The following TST variants were observed in gnomAD, a reference collection of about 807,000 sequenced individuals.
TST encodes thiosulfate sulfurtransferase.
Under a neutral mutation model 20.4 loss-of-function variants are expected in TST, and 22 were observed. The ratio of observed to expected loss-of-function variants is 1.08; its 90% CI spans 0.77 to 1.54. The LOEUF (loss-of-function observed/expected upper bound fraction) is 1.54. Ranked by LOEUF, TST falls within the 40% of genes most tolerant of loss-of-function variation. The pLI, the probability that TST is intolerant of heterozygous loss-of-function variation, is 0.00. For synonymous variants in TST, 187 were observed against 173.8 expected, an observed-to-expected ratio of 1.08 and a Z score of -0.60; for missense variants, 392 against 405.2, an observed-to-expected ratio of 0.97 and a Z score of 0.28.
At chr22:37,012,622 C>T (rs1236253229) in intron 2 of TST, among the ~76,000 whole-genome samples, 1 of 152,194 alleles carries the variant, frequency 6.6e-6, no homozygotes, top group Admixed American at 6.5e-5. Flanking sequence ...TGGGACAGGG[C>T]AGGAGCAGGG....
Position 37,018,747 on chromosome 22 carries a change from G to C in TST, c.-15C>G. Reference sequence around the variant, plus strand: ...TGATGAACCATGGCTTCAGCTCTGCGTGTCACCTGGCACGGGTGGGAACCA... The same window carrying C: ...TGATGAACCATGGCTTCAGCTCTGCCTGTCACCTGGCACGGGTGGGAACCA... On this transcript the variant is annotated 5_prime_UTR_variant, in exon 2 of 3. Transcript: ENST00000249042. 6.8e-7 allele frequency: 1 copy of C among 1,467,308 alleles called. No homozygotes were observed. Among genetic ancestry groups the C allele is most frequent in the Non-Finnish European group, 9.0e-7 (1 of 1,114,798 alleles). 90.9% of individuals were successfully genotyped at this position (1,467,308 alleles called of 1,614,324 possible).
intron 2 of TST, among the ~76,000 whole-genome samples, chr22:37,012,802 T>C (rs1049872616): frequency 1.1e-4 from 16 of 151,990 alleles, no homozygotes; most frequent in Non-Finnish European, 2.4e-4. Context: ...TCCCAGCACT[T>C]TGGGAGGCTG....
At chr22:37,011,546 G>A (rs964242781) in intron 2 of TST, among the ~76,000 whole-genome samples, 2 of 152,194 alleles carry the variant, frequency 1.3e-5, no homozygotes, top group African/African-American at 4.8e-5. Flanking sequence ...TCTTGAAGTA[G>A]AGATGCCCAA....
At chr22:37,012,576 G>A (rs1164731373) in intron 2 of TST, among the ~76,000 whole-genome samples, 2 of 152,190 alleles carry the variant, frequency 1.3e-5, no homozygotes, top group Non-Finnish European at 2.9e-5. Flanking sequence ...AGCCCTCCTT[G>A]CTCCCCAAAT....
intron 2 of TST, among the ~76,000 whole-genome samples, chr22:37,015,016 G>A (rs1922624718): frequency 6.6e-6 from 1 of 152,112 alleles, no homozygotes; most frequent in Non-Finnish European, 1.5e-5. Context: ...CAGCCCGGGA[G>A]CCACACCATG....
chr22:37,018,300 G>C lies in TST; in HGVS notation c.433C>G (p.Pro145Ala), dbSNP rs1283839835. Reference sequence around the variant, plus strand: ...AAGACGGCCGGTTCTGGGCGTGAGGGCTCGGATGTCACCGGGTGGCCCTCC... The same window carrying C: ...AAGACGGCCGGTTCTGGGCGTGAGGCCTCGGATGTCACCGGGTGGCCCTCC... ...LKEGHPVTSE[P>A]SRPEPAVFKA... Residue 145 changes from proline to alanine, a missense_variant, in exon 2 of 3, where the codon CCC becomes GCC. Transcript: ENST00000249042. The C allele has an allele frequency of 6.2e-7, 1 of 1,614,050 alleles. No homozygotes were observed. Among genetic ancestry groups the C allele is most frequent in the Admixed American group, 1.7e-5 (1 of 60,018 alleles).
intron 2 of TST, among the ~76,000 whole-genome samples, chr22:37,017,792 C>T (rs1468922365): frequency 6.6e-6 from 1 of 152,146 alleles, no homozygotes; most frequent in Non-Finnish European, 1.5e-5. Flanking sequence ...AATGCAAACG[C>T]TGGCTCAGGG....
At chr22:37,017,583 T>C (rs982678256) in intron 2 of TST, among the ~76,000 whole-genome samples, 4 of 151,846 alleles carry the variant, frequency 2.6e-5, no homozygotes, top group African/African-American at 9.7e-5. Flanking sequence ...GCAGCTGCTG[T>C]TACAACTCTG....
At chr22:37,019,670 G>A, upstream of TST, 1 of 353,752 alleles carries the variant, frequency 2.8e-6, no homozygotes, top group Non-Finnish European at 5.0e-6. Context: ...TGGGCGGAGC[G>A]GGCGTACCCC....
At chr22:37,015,260 TA>T (rs1254481147) in intron 2 of TST, among the ~76,000 whole-genome samples, 1 of 152,148 alleles carries the variant, frequency 6.6e-6, no homozygotes, top group East Asian at 1.9e-4. Context: ...AGAGACTATA[TA>T]AAAAGCGTTC....
At position 37,018,160 on chromosome 22, in the gene TST, G is replaced by A. The variant is rs990243736; in HGVS notation, c.573C>T (p.Thr191=). The change falls in exon 2 of 3, where the codon ACC becomes ACT. Residue 191 remains threonine (T), a synonymous_variant. Transcript: ENST00000249042. ...TACCTACTGCATCCGGCTCCGGCTC[G>A]GTGCCCAGGAACCGCCCTTGAGACC... is the stretch of plus-strand genomic sequence containing the variant. ...DSRSQGRFLG[T]EPEPDAVGLD... 4 of 1,563,158 alleles carry A rather than the reference G, an allele frequency of 2.6e-6. No homozygotes were observed. The highest frequency in any genetic ancestry group is 8.7e-7 in the Non-Finnish European group (1 of 1,152,428).
At chr22:37,019,536 TCCCGCGCCTCC>T (rs1020100105), upstream of TST, 1 of 150,364 alleles carries the variant, frequency 6.7e-6, no homozygotes, top group African/African-American at 2.4e-5. Context: ...CCCGCCGCCA[TCCCGCGCCTCC>T]CCCGCGCGGC....
intron 2 of TST, among the ~76,000 whole-genome samples, chr22:37,017,648 G>A (rs1922729231): frequency 6.6e-6 from 1 of 152,230 alleles, no homozygotes; most frequent in African/African-American, 2.4e-5. Flanking sequence ...ACAGCAGGCA[G>A]GGGCCCCAGG....
chr22:37,018,831 A>G lies in TST; in HGVS notation c.-21-78T>C, dbSNP rs1922824470. On this transcript the variant is annotated intron_variant, in intron 1 of 2. Coordinates refer to ENST00000249042, the MANE Select transcript of TST (RefSeq NM_003312.6). ...TGTGTGCAGTAGGGTGAGGCCTGGG[A>G]GAAGCTCTTTCTCCCTCCGCACTCC... 9.5e-6 allele frequency: 10 copies of G among 1,053,460 alleles called. No homozygotes were observed. In the South Asian group the frequency reaches 1.9e-4, roughly 20 times the overall value. 65.3% of individuals were successfully genotyped at this position (1,053,460 alleles called of 1,614,324 possible). A position where few individuals can be genotyped will look rare whatever the true frequency, so the allele number is the denominator to read the frequency against.
At chr22:37,019,840 G>C, upstream of TST, 4 of 1,217,876 alleles carry the variant, frequency 3.3e-6, no homozygotes, top group Non-Finnish European at 4.1e-6. Context: ...GGGGGCCATG[G>C]CGGAGCCAGG....
At chr22:37,014,357 G>A (rs757716154) in intron 2 of TST, among the ~76,000 whole-genome samples, 2 of 152,170 alleles carry the variant, frequency 1.3e-5, no homozygotes, top group African/African-American at 2.4e-5. Flanking sequence ...GTGACAGAGC[G>A]AGACTCCGTC....
chr22:37,019,834 G>C, upstream of TST: 1 of 1,211,064 alleles, frequency 8.3e-7, no homozygotes, highest in Non-Finnish European at 1.0e-6. Flanking sequence ...CGCCGCGGGG[G>C]CCATGGCGGA....
chr22:37,011,769 A>G (rs1286559610), intron 2 of TST, among the ~76,000 whole-genome samples: 2 of 152,178 alleles, frequency 1.3e-5, no homozygotes, highest in African/African-American at 4.8e-5. Flanking sequence ...AGGCAGAGAC[A>G]CAGCCAGGCC....
chr22:37,011,753 G>A lies in TST; in HGVS notation c.596-428C>T, dbSNP rs560293208. 2.0e-4 allele frequency among the ~76,000 whole-genome samples: 31 copies of A among 152,320 alleles called. 1 individual carries two copies. The South Asian group carries it at 5.6e-3, about 28-fold the overall frequency. On this transcript the variant is annotated intron_variant, in intron 2 of 2. Transcript: ENST00000249042. ...AAATGCTATGTGCTGAGAACACAGC[G>A]GTGAAAGGCAGAGACACAGCCAGGC...
Sources: gnomAD v4.1 joint callset for allele counts (sites outside exome capture counted in the v4.1 genomes callset) on GRCh38, gnomAD v4.1.1 for gene constraint, MANE v1.5 for transcripts, NCBI Gene and HGNC (gene_info 2026-07-23, HGNC 2026-07-21) for gene names.